Variants in SETBP1 observed in about 807,000 individuals in gnomAD.
The protein encoded by SETBP1 is SET-binding protein.
SETBP1 carries 9 observed loss-of-function variants against 101.0 expected under a neutral mutation model. The observed-to-expected ratio is 0.09, with a 90% CI of 0.05 to 0.16. The LOEUF (loss-of-function observed/expected upper bound fraction) is 0.16, where lower values mean the gene tolerates loss of function less well. SETBP1 is among the 10% of genes least tolerant of loss of function. SETBP1 has a pLI of 1.00. For missense variants in SETBP1, 1,858 were observed against 2,033.8 expected, an observed-to-expected ratio of 0.91 and a Z score of 1.66; for synonymous variants, 818 against 788.5, an observed-to-expected ratio of 1.04 and a Z score of -0.63.
At chr18:44,707,563 C>T (rs2069248843) in intron 2 of SETBP1, among the ~76,000 whole-genome samples, 1 of 152,122 alleles carries the variant, frequency 6.6e-6, no homozygotes, top group South Asian at 2.1e-4. Context: ...TGGTCTAGAC[C>T]GTCATCATAT....
chr18:44,861,900 A>G (rs1048455909), intron 2 of SETBP1, among the ~76,000 whole-genome samples: 1 of 152,204 alleles, frequency 6.6e-6, no homozygotes, highest in African/African-American at 2.4e-5. Flanking sequence ...TAGGTTCATT[A>G]AGTTCAAATA....
intron 1 of SETBP1, among the ~76,000 whole-genome samples, chr18:44,698,585 C>G (rs2069059810): frequency 6.6e-6 from 1 of 152,196 alleles, no homozygotes; most frequent in Admixed American, 6.5e-5. Flanking sequence ...TCTTCCTGCT[C>G]TACCTAGGAA....
intron 4 of SETBP1, among the ~76,000 whole-genome samples, chr18:44,972,288 A>G (rs2071883132): frequency 6.6e-6 from 1 of 152,164 alleles, no homozygotes; most frequent in Non-Finnish European, 1.5e-5. Context: ...GCCTTGCAGT[A>G]TAGTTTGAAG....
chr18:45,044,960 G>GCAAAATGCTTCTTTGCTT (rs1454187557), intron 5 of SETBP1, among the ~76,000 whole-genome samples: 1 of 152,124 alleles, frequency 6.6e-6, no homozygotes, highest in African/African-American at 2.4e-5. Context: ...TTGCTTCTTT[G>GCAAAATGCTTCTTTGCTT]CTGGGCAAAA....
At chr18:44,692,800 A>G (rs1404881069) in intron 1 of SETBP1, among the ~76,000 whole-genome samples, 2 of 152,162 alleles carry the variant, frequency 1.3e-5, no homozygotes, top group African/African-American at 4.8e-5. Flanking sequence ...AGAAAGGAGA[A>G]AGGGCCAGCT....
rs752264940 is a variant in SETBP1, at chr18:44,952,164, C to A, written c.2824C>A (p.Arg942=). 6.2e-7 allele frequency: 1 copy of A among 1,614,090 alleles called. No individual in the cohort carries two copies. Among genetic ancestry groups the A allele is most frequent in the African/African-American group, 1.3e-5 (1 of 75,002 alleles). ...CAAGAAGCCAAAGCACAAGAGGAAACGGAAAAGCCTGCAAAACCGCGATGA... is the reference window on the plus strand; with the variant it reads ...CAAGAAGCCAAAGCACAAGAGGAAAAGGAAAAGCCTGCAAAACCGCGATGA... ...SLKKPKHKRK[R]KSLQNRDDLQ... Residue 942 remains arginine (R), a synonymous_variant, in exon 4 of 6, where the codon CGG becomes AGG. Transcript: ENST00000649279.
chr18:44,948,447 G>A (rs1243658937), intron 3 of SETBP1, among the ~76,000 whole-genome samples: 6 of 151,672 alleles, frequency 4.0e-5, no homozygotes, highest in South Asian at 2.1e-4. Context: ...TAAAGCATAA[G>A]TTCTATAGCT....
intron 5 of SETBP1, among the ~76,000 whole-genome samples, chr18:45,040,059 T>C (rs2073478554): frequency 6.6e-6 from 1 of 152,150 alleles, no homozygotes; most frequent in African/African-American, 2.4e-5. Context: ...AATTACACAA[T>C]CATATCTGAA....
chr18:45,062,260 A>G (rs1225036122), intron 5 of SETBP1, among the ~76,000 whole-genome samples: 1 of 152,198 alleles, frequency 6.6e-6, no homozygotes, highest in Non-Finnish European at 1.5e-5. Flanking sequence ...GGCCAACAGG[A>G]CATGAAAAGA....
At chr18:44,729,572 G>C (rs541556225) in intron 2 of SETBP1, among the ~76,000 whole-genome samples, 25 of 152,224 alleles carry the variant, frequency 1.6e-4, no homozygotes, top group Non-Finnish European at 2.8e-4. Flanking sequence ...GCTGCAGCAA[G>C]TCAATGTGAT....
intron 3 of SETBP1, among the ~76,000 whole-genome samples, chr18:44,939,670 A>G (rs1308124271): frequency 6.6e-6 from 1 of 152,224 alleles, no homozygotes; most frequent in East Asian, 1.9e-4. Flanking sequence ...TGCTCCCTCC[A>G]ACAACGTATG....
rs111795605 is a variant in SETBP1, at chr18:44,873,336, G to A, written c.540+4053G>A. Among the ~76,000 whole-genome samples, 34 of 152,322 alleles carry A rather than the reference G, an allele frequency of 2.2e-4. 1 individual carries two copies. The highest frequency in any genetic ancestry group is 7.0e-4 in the African/African-American group (29 of 41,568). On this transcript the variant is annotated intron_variant, in intron 3 of 5. Transcript: ENST00000649279. ...TTACCTTATTAAGCAAAGGAGTTGT[G>A]CAGCTTATTTCACAGAGAGTATGGG...
intron 4 of SETBP1, among the ~76,000 whole-genome samples, chr18:45,016,447 A>T (rs913458645): frequency 1.3e-5 from 2 of 152,136 alleles, no homozygotes; most frequent in Admixed American, 1.3e-4. Flanking sequence ...AAGGGGGAGC[A>T]TCCCACAGAG....
intron 2 of SETBP1, among the ~76,000 whole-genome samples, chr18:44,760,673 C>A (rs190955812): frequency 1.3e-5 from 2 of 152,146 alleles, no homozygotes; most frequent in South Asian, 2.1e-4. Context: ...GTGTAGTGTG[C>A]GATAACAATA....
chr18:44,825,190 A>G (rs1274421023), intron 2 of SETBP1, among the ~76,000 whole-genome samples: 1 of 152,208 alleles, frequency 6.6e-6, no homozygotes, highest in Non-Finnish European at 1.5e-5. Flanking sequence ...TTCCAAGGGA[A>G]TTTCAGAGGT....
At chr18:44,869,653 C>G in intron 3 of SETBP1, 1 of 342,482 alleles carries the variant, frequency 2.9e-6, no homozygotes. Flanking sequence ...ACAGGACACT[C>G]GCATGTCTGT....
chr18:44,850,427 G>T (rs1211363766), intron 2 of SETBP1, among the ~76,000 whole-genome samples: 1 of 151,872 alleles, frequency 6.6e-6, no homozygotes, highest in South Asian at 2.1e-4. Context: ...CTGGAATGCA[G>T]TGGTGGGATC....
chr18:45,005,347 A>G (rs1365529984), intron 4 of SETBP1, among the ~76,000 whole-genome samples: 1 of 152,172 alleles, frequency 6.6e-6, no homozygotes, highest in Non-Finnish European at 1.5e-5. Flanking sequence ...TATTCAGCCC[A>G]CCAGCCAGAA....
At position 45,066,445 on chromosome 18, in the gene SETBP1, T is replaced by C. The variant is rs1007790453; in HGVS notation, c.*2747T>C. 2.6e-5 allele frequency: 4 copies of C among 152,316 alleles called. No homozygotes were observed. The East Asian group carries it at 7.7e-4, about 29-fold the overall frequency. 9.4% of individuals were successfully genotyped at this position (152,316 alleles called of 1,614,324 possible). On this transcript the variant is annotated 3_prime_UTR_variant, in exon 6 of 6. Coordinates refer to ENST00000649279, the MANE Select transcript of SETBP1 (RefSeq NM_015559.3). ...GTTCCTCCCTCAGTATCACATTATT[T>C]TTTTCTTCTGCTTTTCATTAACCTA...
Sources: allele counts gnomAD v4.1 joint callset (sites outside exome capture counted in the v4.1 genomes callset), GRCh38; gene constraint gnomAD v4.1.1; transcripts MANE v1.5; gene names NCBI Gene and HGNC (gene_info 2026-07-23, HGNC 2026-07-21).